The following NEMP1 variants were observed in gnomAD, a reference collection of about 807,000 sequenced individuals.
The protein encoded by NEMP1 is transmembrane protein 194.
In NEMP1, 29 loss-of-function variants were observed where a neutral mutation model predicts 53.7. The observed-to-expected ratio is 0.54, with a 90% confidence interval of 0.40 to 0.74. The LOEUF (loss-of-function observed/expected upper bound fraction) is 0.74, where lower values mean the gene tolerates loss of function less well. Ranked by LOEUF, NEMP1 falls within the 30% of genes least tolerant of loss-of-function variation. The pLI is 0.00. For synonymous variants in NEMP1, 193 were observed against 192.9 expected, an observed-to-expected ratio of 1.00 and a Z score of 0.00; for missense variants, 477 against 528.6, an observed-to-expected ratio of 0.90 and a Z score of 0.96.
At chr12:57,069,336 AG>A (rs2032241845) in intron 3 of NEMP1, 30 bp from the exon 4 acceptor site, 1 of 1,445,824 alleles carries the variant, frequency 6.9e-7, no homozygotes, top group Non-Finnish European at 9.4e-7. Context: ...TTGCTTAATA[AG>A]GGAACAAAAC....
chr12:57,063,577 C>G (rs1235286761), intron 6 of NEMP1, among the ~76,000 whole-genome samples: 2 of 152,088 alleles, frequency 1.3e-5, no homozygotes, highest in East Asian at 1.9e-4. Context: ...TTGAACAACC[C>G]TGAAATAGAC....
At chr12:57,088,351 C>A (rs1359777233), upstream of NEMP1, among the ~76,000 whole-genome samples, 1 of 152,202 alleles carries the variant, frequency 6.6e-6, no homozygotes, top group Admixed American at 6.5e-5. Flanking sequence ...GCGACCCCCT[C>A]AGATTATTCC....
At chr12:57,062,956 GTAAA>G (rs2031888125) in intron 7 of NEMP1, among the ~76,000 whole-genome samples, 159 bp downstream of exon 7, 1 of 148,720 alleles carries the variant, frequency 6.7e-6, no homozygotes, top group Admixed American at 6.7e-5. Flanking sequence ...CCTATAGAAA[GTAAA>G]AAAAAAAAAA....
upstream of NEMP1, among the ~76,000 whole-genome samples, chr12:57,081,393 G>A (rs2032842057): frequency 6.6e-6 from 1 of 151,918 alleles, no homozygotes; most frequent in Admixed American, 6.6e-5. Context: ...ACAGGTGTGT[G>A]CCACCCCGCC....
chr12:57,086,698 A>T (rs1221922040), intron 1 of NEMP1, among the ~76,000 whole-genome samples: 1 of 152,178 alleles, frequency 6.6e-6, no homozygotes, highest in Admixed American at 6.5e-5. Context: ...AAGAACAGAC[A>T]TCTCGGCAGC....
chr12:57,061,875 T>C (rs1158756292), intron 7 of NEMP1, among the ~76,000 whole-genome samples: 3 of 151,860 alleles, frequency 2.0e-5, no homozygotes, highest in Admixed American at 6.6e-5. Context: ...GGCATGTACC[T>C]GTAACCCCAG....
intron 5 of NEMP1, 149 bp downstream of exon 5, chr12:57,064,497 C>T (rs180698447): frequency 2.7e-5 from 15 of 558,446 alleles, no homozygotes; most frequent in African/African-American, 2.5e-4. Context: ...CAAGTTTCAT[C>T]GTGGAAAGTA....
At chr12:57,073,188 G>A (rs1341546631) in intron 1 of NEMP1, among the ~76,000 whole-genome samples, 1 of 147,456 alleles carries the variant, frequency 6.8e-6, no homozygotes, top group South Asian at 2.1e-4. Context: ...AGACAGTCTC[G>A]CTCTTTTGCC....
At chr12:57,078,116 AG>A (rs1396258244) in intron 1 of NEMP1, among the ~76,000 whole-genome samples, 1 of 152,180 alleles carries the variant, frequency 6.6e-6, no homozygotes, top group African/African-American at 2.4e-5. Flanking sequence ...AGGTTTTACA[AG>A]AGCAGAAGAT....
upstream of NEMP1, chr12:57,078,833 C>A: frequency 6.8e-7 from 1 of 1,463,646 alleles, no homozygotes; most frequent in Non-Finnish European, 9.2e-7. Context: ...CTCTACGAAA[C>A]CCGCCCCTAT....
At position 57,070,665 on chromosome 12, in the gene NEMP1, G is replaced by A; in HGVS notation, c.472+9C>T. On this transcript the variant is annotated intron_variant, in intron 3 of 8. Transcript: ENST00000300128. ...CAGAATCCATCAGAAAAACAGAGGT[G>A]AGACTTACTCCGGATCACAATGACA... 6.5e-7 allele frequency: 1 copy of A among 1,549,670 alleles called. No homozygotes were observed. The highest frequency in any genetic ancestry group is 8.7e-7 in the Non-Finnish European group (1 of 1,145,162).
chr12:57,059,901 GT>G lies in NEMP1; in HGVS notation c.1312del (p.Thr438HisfsTer6). The G allele has an allele frequency of 6.2e-7, 1 of 1,613,688 alleles. No individual in the cohort carries two copies. Among genetic ancestry groups the G allele is most frequent in the South Asian group, 1.1e-5 (1 of 91,010 alleles). On this transcript the variant is annotated frameshift_variant, in exon 9 of 9. Coordinates refer to ENST00000300128, the MANE Select transcript of NEMP1 (RefSeq NM_001130963.2). LOFTEE classifies it high-confidence loss of function. ...EDSYSRCPAITQNNFLT is the reference protein window; with the variant it reads ...EDSYSRCPAIXQNNFLT The stretch of plus-strand genomic sequence containing the variant: ...TACCTAGGTTAGAAAGTTGTTCTGT[GT>G]GATAGCAGGACACCGAGAATATGAG...
At chr12:57,088,020 A>C (rs1298049741) in exon 1 of NEMP1, 2 of 152,286 alleles carry the variant, frequency 1.3e-5, no homozygotes, top group Non-Finnish European at 2.9e-5. Flanking sequence ...AAGCTCCTTC[A>C]AGGCGCTCCT....
chr12:57,081,677 G>A (rs1303326203), upstream of NEMP1, among the ~76,000 whole-genome samples: 1 of 150,782 alleles, frequency 6.6e-6, no homozygotes, highest in East Asian at 2.0e-4. Flanking sequence ...GGAGGCTGAG[G>A]CGGGCGGATC....
intron 1 of NEMP1, among the ~76,000 whole-genome samples, chr12:57,087,486 G>A (rs1438312256): frequency 2.0e-5 from 3 of 152,034 alleles, no homozygotes; most frequent in Non-Finnish European, 4.4e-5. Flanking sequence ...ACGGGGTCGG[G>A]AGCGTCCCCA....
intron 1 of NEMP1, among the ~76,000 whole-genome samples, 172 bp from the exon 2 acceptor site, chr12:57,073,084 T>C (rs1237631762): frequency 1.3e-5 from 2 of 152,142 alleles, no homozygotes; most frequent in African/African-American, 2.4e-5. Flanking sequence ...AGAATCTTAT[T>C]TCTGTCGTTT....
At chr12:57,076,867 T>C (rs191980141) in intron 1 of NEMP1, among the ~76,000 whole-genome samples, 36 of 136,490 alleles carry the variant, frequency 2.6e-4, no homozygotes, top group Middle Eastern at 8.1e-3. Flanking sequence ...CTTGGGAGGC[T>C]GAGATGGGAG....
At chr12:57,081,170 T>C (rs1470946037), upstream of NEMP1, among the ~76,000 whole-genome samples, 3 of 152,140 alleles carry the variant, frequency 2.0e-5, no homozygotes, top group Non-Finnish European at 4.4e-5. Flanking sequence ...CAAATTCCAA[T>C]AGAGGCATCC....
chr12:57,086,796 TAG>T (rs962798799), intron 1 of NEMP1, among the ~76,000 whole-genome samples: 8 of 151,846 alleles, frequency 5.3e-5, no homozygotes, highest in Admixed American at 1.3e-4. Context: ...TACACAAACC[TAG>T]AGAGAGAGAG....
Sources: allele counts gnomAD v4.1 joint callset (sites outside exome capture counted in the v4.1 genomes callset), GRCh38; gene constraint gnomAD v4.1.1; transcripts MANE v1.5; gene names NCBI Gene and HGNC (gene_info 2026-07-23, HGNC 2026-07-21).